Variants in IQCH observed in about 807,000 individuals in gnomAD.
The protein encoded by IQCH is IQ motif containing H.
In IQCH, 98 loss-of-function variants were observed where a neutral mutation model predicts 117.0. That is an observed-to-expected ratio of 0.84 (90% CI 0.71 to 0.99). The LOEUF is 0.99. IQCH is among the 50% of genes least tolerant of loss of function. The pLI is 0.00. For missense variants in IQCH, 1,102 were observed against 1,243.8 expected (o/e 0.89, Z 1.72); for synonymous variants, 412 against 448.2 (o/e 0.92, Z 1.02).
chr15:67,271,547 G>C (rs1965899563), intron 3 of IQCH, among the ~76,000 whole-genome samples: 1 of 152,004 alleles, frequency 6.6e-6, no homozygotes, highest in Non-Finnish European at 1.5e-5. Context: ...TCAAATCATT[G>C]GTTTTTCTTA....
rs1319685502 is a variant in IQCH, at chr15:67,494,434, A to G, written c.2970+68A>G. 3 of 1,059,618 alleles carry G rather than the reference A, an allele frequency of 2.8e-6. No individual in the cohort carries two copies. The highest frequency in any genetic ancestry group is 4.2e-5 in the Admixed American group (2 of 47,434). The allele number at this position is 1,059,618 out of a possible 1,614,324, so 65.6% of individuals were successfully genotyped here. A position where few individuals can be genotyped will look rare whatever the true frequency, so the allele number is the denominator to read the frequency against. On this transcript the variant is annotated intron_variant, in intron 20 of 20. Coordinates refer to ENST00000335894, the MANE Select transcript of IQCH (RefSeq NM_001031715.3). This position sits in a 1 kb window ranked among gnomAD's most constrained non-coding sequence, Gnocchi z 5.5. The stretch of plus-strand genomic sequence containing the variant: ...AAGGGCTGAAAATACCTCATGCTGT[A>G]TTGTAAACAAGTGCTAAACCATCTT...
Position 67,493,808 on chromosome 15 carries a change from C to T in IQCH, c.2862-450C>T, listed in dbSNP as rs1207987901. Among the ~76,000 whole-genome samples the T allele has an allele frequency of 6.6e-6, 1 of 152,176 alleles. No individual in the cohort carries two copies. Among genetic ancestry groups the T allele is most frequent in the Non-Finnish European group, 1.5e-5 (1 of 68,032 alleles). ...TATCTCCTAATGCTATTCCTCTCCC[C>T]TCCCCTCACCCCACGACAGGCCCCG... On this transcript the variant is annotated intron_variant, in intron 19 of 20. Transcript: ENST00000335894. This position sits in a 1 kb window ranked among gnomAD's most constrained non-coding sequence, Gnocchi z 5.1.
At chr15:67,428,813 C>T (rs966419592) in intron 16 of IQCH, among the ~76,000 whole-genome samples, 5 of 148,706 alleles carry the variant, frequency 3.4e-5, no homozygotes, top group Admixed American at 6.7e-5. Flanking sequence ...CATGCCACTG[C>T]ACTCCAGCCT....
At chr15:67,337,120 CG>C (rs778340502) in intron 5 of IQCH, 25 bp downstream of exon 5, 11 of 1,611,276 alleles carry the variant, frequency 6.8e-6, no homozygotes, top group Non-Finnish European at 1.7e-6. Context: ...AGCCATTTTA[CG>C]TGTTTAGGAA....
intron 4 of IQCH, among the ~76,000 whole-genome samples, chr15:67,318,119 C>G (rs1967935881): frequency 6.6e-6 from 1 of 152,184 alleles, no homozygotes; most frequent in Non-Finnish European, 1.5e-5. Context: ...TATGTAACCT[C>G]AGTCCCTCCA....
At chr15:67,317,812 AG>A (rs5813436) in intron 4 of IQCH, among the ~76,000 whole-genome samples, 42,196 of 151,950 alleles carry the variant, frequency 0.28, 5,886 homozygotes, top group South Asian at 0.37. Flanking sequence ...GTGACAGGGC[AG>A]GGAGGGTCTG....
At chr15:67,284,316 T>G (rs1428280412) in intron 4 of IQCH, among the ~76,000 whole-genome samples, 1 of 152,194 alleles carries the variant, frequency 6.6e-6, no homozygotes, top group African/African-American at 2.4e-5. Context: ...TTTGCCTGGC[T>G]TATTTCACTT....
At position 67,417,884 on chromosome 15, in the gene IQCH, C is replaced by T. The variant is rs1468821453; in HGVS notation, c.2218+833C>T. On this transcript the variant is annotated intron_variant, in intron 15 of 20. Transcript: ENST00000335894. This position sits in a 1 kb window ranked among gnomAD's most constrained non-coding sequence, Gnocchi z 4.3. ...ACTGCTGTCAAGTGATAATAATAAT[C>T]TCAGCAATAATCAATAATGATAAGA... Among the ~76,000 whole-genome samples, 1 of 152,134 alleles carries T rather than the reference C, an allele frequency of 6.6e-6. No individual in the cohort carries two copies. Among genetic ancestry groups the T allele is most frequent in the African/African-American group, 2.4e-5 (1 of 41,430 alleles).
intron 6 of IQCH, among the ~76,000 whole-genome samples, chr15:67,349,215 C>T (rs561414614): frequency 4.5e-4 from 69 of 152,318 alleles, no homozygotes; most frequent in Middle Eastern, 3.4e-3. Flanking sequence ...AGGTTTCTTA[C>T]GTACCACACC....
rs1003025624 is a variant in IQCH at position 67,430,877 on chromosome 15, G to C, written c.2505+9300G>C. On this transcript the variant is annotated intron_variant, in intron 16 of 20. Transcript: ENST00000335894. This position sits in a 1 kb window ranked among gnomAD's most constrained non-coding sequence, Gnocchi z 5.1. Reference sequence around the variant, plus strand: ...CTTGAAAAATGAGTAGCAAGGAAAGGCTTAAGTGACAACTACGTAGAACAA... The same window carrying C: ...CTTGAAAAATGAGTAGCAAGGAAAGCCTTAAGTGACAACTACGTAGAACAA... Among the ~76,000 whole-genome samples, 1 of 152,144 alleles carries C rather than the reference G, an allele frequency of 6.6e-6. No homozygotes were observed. The highest frequency in any genetic ancestry group is 2.4e-5 in the African/African-American group (1 of 41,442).
chr15:67,321,770 T>G (rs1968145783), intron 4 of IQCH, among the ~76,000 whole-genome samples: 1 of 152,202 alleles, frequency 6.6e-6, no homozygotes, highest in Non-Finnish European at 1.5e-5. Flanking sequence ...TTGCTTCCAC[T>G]CACACTTGGA....
intron 6 of IQCH, among the ~76,000 whole-genome samples, chr15:67,346,468 A>G (rs1055260003): frequency 6.6e-6 from 1 of 152,194 alleles, no homozygotes; most frequent in Non-Finnish European, 1.5e-5. Context: ...TTCGATTCTC[A>G]TAAGGAGCAT....
Position 67,355,211 on chromosome 15 carries a change from C to G in IQCH, c.638-2134C>G, listed in dbSNP as rs184359720. On this transcript the variant is annotated intron_variant, in intron 6 of 20. Transcript: ENST00000335894. ...TTGTTTATCTTAAGTTAAAATTTAA[C>G]TGCATGTTCTTAAAAAAATTTTTTT... Among the ~76,000 whole-genome samples, 386 of 152,182 alleles carry G rather than the reference C, an allele frequency of 2.5e-3. 4 individuals are homozygous for G. Among genetic ancestry groups the G allele is most frequent in the African/African-American group, 8.8e-3 (366 of 41,504 alleles).
At chr15:67,339,847 G>A (rs944043004) in intron 5 of IQCH, among the ~76,000 whole-genome samples, 20 of 152,240 alleles carry the variant, frequency 1.3e-4, no homozygotes, top group South Asian at 6.2e-4. Flanking sequence ...GGAAGTTTTT[G>A]TAGAGAATCT....
At chr15:67,389,969 C>T (rs1971232846) in intron 12 of IQCH, among the ~76,000 whole-genome samples, 1 of 151,922 alleles carries the variant, frequency 6.6e-6, no homozygotes, top group Non-Finnish European at 1.5e-5. Flanking sequence ...CTGGTATACT[C>T]AGTCAATTGT....
chr15:67,340,972 G>T (rs1969144117), intron 5 of IQCH, among the ~76,000 whole-genome samples: 1 of 152,200 alleles, frequency 6.6e-6, no homozygotes, highest in South Asian at 2.1e-4. Flanking sequence ...ACTTTGGGAG[G>T]CTGTGAAGGT....
In IQCH at chr15:67,400,257, G is replaced by A; in HGVS notation, c.2049G>A (p.Lys683=). The change falls in exon 14 of 21, where the codon AAG becomes AAA. Residue 683 remains lysine, a synonymous_variant. Transcript: ENST00000335894. ...SYLKCYKWVL[K]ESSRYGLEDW... Reference sequence around the variant, plus strand: ...TAAAGTGCTACAAATGGGTGCTAAAGGAGAGTAGCAGATATGGCCTTGAAG... The same window carrying A: ...TAAAGTGCTACAAATGGGTGCTAAAAGAGAGTAGCAGATATGGCCTTGAAG... 9 of 1,613,772 alleles carry A rather than the reference G, an allele frequency of 5.6e-6. No individual in the cohort carries two copies. The highest frequency in any genetic ancestry group is 7.6e-6 in the Non-Finnish European group (9 of 1,179,762).
At chr15:67,367,028 T>G (rs1424953884) in intron 8 of IQCH, among the ~76,000 whole-genome samples, 2 of 152,106 alleles carry the variant, frequency 1.3e-5, no homozygotes, top group Non-Finnish European at 2.9e-5. Flanking sequence ...GGTGACACAT[T>G]AAGTCAGAGA....
chr15:67,355,906 T>G (rs1224297085), intron 6 of IQCH, among the ~76,000 whole-genome samples: 1 of 152,242 alleles, frequency 6.6e-6, no homozygotes, highest in Admixed American at 6.5e-5. Flanking sequence ...TACTTATCCT[T>G]GAGATCTTTG....
Sources: allele counts gnomAD v4.1 joint callset (sites outside exome capture counted in the v4.1 genomes callset), GRCh38; gene constraint gnomAD v4.1.1; non-coding constraint Gnocchi (gnomAD v3.1); transcripts MANE v1.5; gene names NCBI Gene and HGNC (gene_info 2026-07-23, HGNC 2026-07-21).